Variants in FUBP3 observed in about 807,000 individuals in gnomAD.
The protein encoded by FUBP3 is far upstream element binding protein 3, also known as far upstream element-binding protein 3.
Under a neutral mutation model 85.6 loss-of-function variants are expected in FUBP3, and 28 were observed. That is an observed-to-expected ratio of 0.33 (90% CI 0.24 to 0.45). The LOEUF (loss-of-function observed/expected upper bound fraction) is 0.45, where lower values mean the gene tolerates loss of function less well. Ranked by LOEUF, FUBP3 falls within the 20% of genes least tolerant of loss-of-function variation. FUBP3 has a pLI of 1.00. For synonymous variants in FUBP3, 271 were observed against 271.4 expected, an observed-to-expected ratio of 1.00 and a Z score of 0.01; for missense variants, 583 against 755.1, an observed-to-expected ratio of 0.77 and a Z score of 2.67.
At chr9:130,583,765 C>T (rs1830228534) in intron 1 of FUBP3, among the ~76,000 whole-genome samples, 1 of 152,158 alleles carries the variant, frequency 6.6e-6, no homozygotes, top group African/African-American at 2.4e-5. Flanking sequence ...TGCGCCACCA[C>T]ATGTTAATGG....
At chr9:130,633,970 C>T (rs1830315880) in intron 16 of FUBP3, among the ~76,000 whole-genome samples, 1 of 152,204 alleles carries the variant, frequency 6.6e-6, no homozygotes, top group South Asian at 2.1e-4. Context: ...CCTGAGCCAG[C>T]CCCGGCCTGG....
At chr9:130,600,832 T>C (rs1831120781) in intron 2 of FUBP3, among the ~76,000 whole-genome samples, 1 of 151,474 alleles carries the variant, frequency 6.6e-6, no homozygotes, top group Non-Finnish European at 1.5e-5. Flanking sequence ...GAAGATTAGC[T>C]GGGTGTGGTG....
At position 130,612,526 on chromosome 9, in the gene FUBP3, C is replaced by T. The variant is rs1196456588; in HGVS notation, c.274+21C>T. On this transcript the variant is annotated intron_variant, in intron 4 of 18. Transcript: ENST00000319725. This position sits in a 1 kb window ranked among gnomAD's most constrained non-coding sequence, Gnocchi z 4.1. ...ATTTAGTAAGTATCCATGTTGTCTA[C>T]TTTTTCCCTGATTCCTGTCTCTTCT... is the stretch of plus-strand genomic sequence containing the variant. The T allele has an allele frequency of 4.1e-6, 6 of 1,456,706 alleles. No individual in the cohort carries two copies. Among genetic ancestry groups the T allele is most frequent in the Non-Finnish European group, 4.8e-6 (5 of 1,040,346 alleles). 90.2% of individuals were successfully genotyped at this position (1,456,706 alleles called of 1,614,324 possible).
intron 17 of FUBP3, 69 bp downstream of exon 17, chr9:130,634,807 G>C: frequency 2.4e-6 from 3 of 1,230,144 alleles, no homozygotes; most frequent in Non-Finnish European, 3.5e-6. Flanking sequence ...AGAGTCCAAG[G>C]CTCACTGTCA....
chr9:130,588,577 T>A (rs952679693), intron 1 of FUBP3, among the ~76,000 whole-genome samples: 1 of 152,194 alleles, frequency 6.6e-6, no homozygotes, highest in Non-Finnish European at 1.5e-5. Context: ...CCCGGCATTG[T>A]TTCTAGTGCT....
rs367871511 is a variant in FUBP3, at chr9:130,626,430, G to T, written c.1042G>T (p.Val348Leu). The T allele has an allele frequency of 6.2e-7, 1 of 1,614,124 alleles. No homozygotes were observed. The highest frequency in any genetic ancestry group is 1.1e-5 in the South Asian group (1 of 91,080). ...GRGRGRGDWS[V>L]GAPGGVQEIT... ...AGGTCGTGGCCGTGGCGACTGGAGC[G>T]TGGGAGCCCCTGGTGGCGTCCAGGA... The change falls in exon 12 of 19, where the codon GTG becomes TTG. Residue 348 changes from valine (V) to leucine (L), a missense_variant. Val to Leu is a conservative substitution (Grantham distance 32, BLOSUM62 1). Transcript: ENST00000319725.
intron 2 of FUBP3, among the ~76,000 whole-genome samples, chr9:130,603,544 C>T (rs755682762): frequency 2.6e-5 from 4 of 152,180 alleles, no homozygotes; most frequent in South Asian, 4.1e-4. Context: ...TGGGTACATA[C>T]ATATGTGTAA....
chr9:130,610,117 C>T, intron 3 of FUBP3, 130 bp downstream of exon 3: 1 of 737,314 alleles, frequency 1.4e-6, no homozygotes. Flanking sequence ...TTCTTTAAGA[C>T]TCGAGTTTTT....
chr9:130,632,157 T>TGAC (rs779033074), intron 15 of FUBP3, 45 bp from the exon 16 acceptor site: 2 of 1,527,526 alleles, frequency 1.3e-6, no homozygotes, highest in Non-Finnish European at 1.8e-6. Context: ...ACGACAGGGG[T>TGAC]GACTTGCCCC....
intron 1 of FUBP3, among the ~76,000 whole-genome samples, chr9:130,585,031 G>C (rs1011980147): frequency 6.6e-6 from 1 of 151,798 alleles, no homozygotes; most frequent in Non-Finnish European, 1.5e-5. Flanking sequence ...GTGGTGGCAC[G>C]CACCTGTAAT....
rs776289594 is a variant in FUBP3, at chr9:130,579,654, G to A, written c.-27G>A. ...AGCGGCGGCGTCGGCGGCGTCGGCGGCGGCGGCGACGGCGGCGGGGGCGGT... is the reference window on the plus strand; with the variant it reads ...AGCGGCGGCGTCGGCGGCGTCGGCGACGGCGGCGACGGCGGCGGGGGCGGT... On this transcript the variant is annotated 5_prime_UTR_variant, in exon 1 of 19. Transcript: ENST00000319725. 4 of 1,213,296 alleles carry A rather than the reference G, an allele frequency of 3.3e-6. No individual in the cohort carries two copies. The highest frequency in any genetic ancestry group is 4.1e-6 in the Non-Finnish European group (4 of 966,800). 75.2% of individuals were successfully genotyped at this position (1,213,296 alleles called of 1,614,324 possible).
intron 1 of FUBP3, among the ~76,000 whole-genome samples, chr9:130,587,064 T>G (rs566048471): frequency 0.045 from 5,337 of 119,860 alleles, 318 homozygotes; most frequent in African/African-American, 0.17. Context: ...TGTTTTTTTT[T>G]TTTGTTTGTT....
intron 1 of FUBP3, among the ~76,000 whole-genome samples, chr9:130,589,917 A>G (rs1288555547): frequency 6.9e-6 from 1 of 145,078 alleles, no homozygotes; most frequent in African/African-American, 2.6e-5. Flanking sequence ...AAGCCTCACT[A>G]TGTTGCCCAG....
At chr9:130,579,788 G>A (rs779339992) in intron 1 of FUBP3, 24 bp downstream of exon 1, 6 of 1,252,158 alleles carry the variant, frequency 4.8e-6, no homozygotes, top group Non-Finnish European at 6.0e-6. Context: ...CGGCTGGCAG[G>A]AGCACGAGAT....
In FUBP3 at chr9:130,626,416, G is replaced by A. The variant is rs768069231; in HGVS notation, c.1028G>A (p.Arg343His). The A allele has an allele frequency of 7.4e-6, 12 of 1,613,936 alleles. No homozygotes were observed. The highest frequency in any genetic ancestry group is 3.3e-5 in the Admixed American group (2 of 59,998). The change falls in exon 12 of 19, where the codon CGT becomes CAT. Residue 343 changes from arginine to histidine, a missense_variant. Around this residue, in one of 3 missense-constraint regions of FUBP3, gnomAD observed 404 missense variants for 516.8 expected, o/e 0.78. Coordinates refer to ENST00000319725, the MANE Select transcript of FUBP3 (RefSeq NM_003934.2). The stretch of plus-strand genomic sequence containing the variant: ...GCAGCCAGAGGAAGAGGTCGTGGCC[G>A]TGGCGACTGGAGCGTGGGAGCCCCT... Reference protein sequence around the residue: ...LAAARGRGRGRGDWSVGAPGG... With the variant: ...LAAARGRGRGHGDWSVGAPGG...
intron 11 of FUBP3, 182 bp from the exon 12 acceptor site, chr9:130,626,182 C>A (rs942550845): frequency 1.5e-5 from 9 of 614,868 alleles, no homozygotes; most frequent in Admixed American, 3.0e-5. Flanking sequence ...TCCCCAGATA[C>A]ACCTGTGATC....
At chr9:130,613,897 T>C (rs2119075115) in intron 5 of FUBP3, among the ~76,000 whole-genome samples, 1 of 152,366 alleles carries the variant, frequency 6.6e-6, no homozygotes, top group South Asian at 2.1e-4. Context: ...ATGAAGTTCC[T>C]TCCTAGAGTA....
intron 7 of FUBP3, 146 bp from the exon 8 acceptor site, chr9:130,617,651 A>C: frequency 1.4e-6 from 1 of 691,756 alleles, no homozygotes; most frequent in South Asian, 1.6e-5. Context: ...CACAGAAGCC[A>C]GCTTCATGGC....
intron 3 of FUBP3, among the ~76,000 whole-genome samples, chr9:130,611,184 TGA>T (rs1446910003): frequency 2.0e-5 from 3 of 152,196 alleles, no homozygotes; most frequent in African/African-American, 7.2e-5. Context: ...TAATATTTTC[TGA>T]GAGTAGACAG....
Sources: gnomAD v4.1 joint callset for allele counts (sites outside exome capture counted in the v4.1 genomes callset) on GRCh38, gnomAD v4.1.1 for gene constraint, gnomAD v4.1.1 regional missense constraint, Gnocchi (gnomAD v3.1) non-coding constraint, MANE v1.5 for transcripts, NCBI Gene and HGNC (gene_info 2026-07-23, HGNC 2026-07-21) for gene names.